PATJ: variants seen among roughly 807,000 people sequenced by gnomAD.
PATJ encodes the protein PATJ crumbs cell polarity complex component, also known as inaD-like protein.
A neutral mutation model predicts 224.9 loss-of-function variants in PATJ; 190 were observed. The ratio of observed to expected loss-of-function variants is 0.84; its 90% confidence interval spans 0.75 to 0.95. The LOEUF (loss-of-function observed/expected upper bound fraction) is 0.95. PATJ is among the 40% of genes least tolerant of loss of function. PATJ has a pLI of 0.00. For missense variants in PATJ, 2,121 were observed against 2,270.3 expected, an observed-to-expected ratio of 0.93 and a Z score of 1.34; for synonymous variants, 769 against 820.3, an observed-to-expected ratio of 0.94 and a Z score of 1.07.
chr1:61,770,688 T>C (rs1013752239), intron 5 of PATJ, among the ~76,000 whole-genome samples: 1 of 152,016 alleles, frequency 6.6e-6, no homozygotes, highest in Non-Finnish European at 1.5e-5. Flanking sequence ...ATGGCTGTAA[T>C]CCCAGCACTT....
In PATJ at chr1:61,791,197, G is replaced by A. The variant is rs1486131037; in HGVS notation, c.1069-151G>A. 2.6e-5 allele frequency: 13 copies of A among 499,292 alleles called. No homozygotes were observed. The East Asian group carries it at 3.2e-4, about 12-fold the overall frequency. The allele number at this position is 499,292 out of a possible 1,614,324, so 30.9% of individuals were successfully genotyped here. A position where few individuals can be genotyped will look rare whatever the true frequency, so the allele number is the denominator to read the frequency against. On this transcript the variant is annotated intron_variant, in intron 8 of 43. Transcript: ENST00000642238. ...CATGTAATATGGCATCAATATGGGA[G>A]TAGCACCAGGAATTGAAGGTCATGG...
At chr1:61,918,358 A>G (rs1406099666) in intron 26 of PATJ, among the ~76,000 whole-genome samples, 2 of 129,572 alleles carry the variant, frequency 1.5e-5, no homozygotes, top group African/African-American at 6.2e-5. Flanking sequence ...CCCAGGCTGG[A>G]GTGAAGTGGC....
intron 18 of PATJ, among the ~76,000 whole-genome samples, chr1:61,861,284 C>CTTTCTTTTTTTT (rs757271556): frequency 4.1e-5 from 2 of 48,872 alleles, no homozygotes; most frequent in Admixed American, 3.2e-4. Context: ...TTCTTTCTTT[C>CTTTCTTTTTTTT]TTTTTTTTTT....
chr1:61,894,579 T>C (rs1422887869), intron 22 of PATJ, among the ~76,000 whole-genome samples: 1 of 152,224 alleles, frequency 6.6e-6, no homozygotes, highest in African/African-American at 2.4e-5. Context: ...TGTGCCTTGC[T>C]TCCCCTTTGC....
intron 27 of PATJ, among the ~76,000 whole-genome samples, chr1:61,960,485 A>G (rs1046581703): frequency 7.9e-5 from 12 of 151,926 alleles, no homozygotes; most frequent in Admixed American, 3.3e-4. Flanking sequence ...AACATGGTGA[A>G]ACCCCGTCTC....
Position 61,875,375 on chromosome 1 carries a change from CTT to C in PATJ, c.2959+12_2959+13del. The C allele has an allele frequency of 2.5e-6, 4 of 1,593,102 alleles. No individual in the cohort carries two copies. The highest frequency in any genetic ancestry group is 2.3e-5 in the East Asian group (1 of 44,246). On this transcript the variant is annotated intron_variant, in intron 21 of 43. Coordinates refer to ENST00000642238, the MANE Select transcript of PATJ (RefSeq NM_001350145.3). ...AACTAGTCTGGATTTAGGTTTGTGA[CTT>C]TTGTTTCTCATAAACACAAATTACA...
At chr1:62,070,668 T>C (rs1348430602) in intron 31 of PATJ, among the ~76,000 whole-genome samples, 1 of 152,174 alleles carries the variant, frequency 6.6e-6, no homozygotes, top group African/African-American at 2.4e-5. Context: ...TTATATCATA[T>C]CATCTGTTTA....
At chr1:62,113,308 C>T (rs527296777) in intron 34 of PATJ, among the ~76,000 whole-genome samples, 31 of 152,198 alleles carry the variant, frequency 2.0e-4, no homozygotes, top group African/African-American at 7.5e-4. Context: ...TCCTTCTGGG[C>T]CTGTTATGAA....
intron 17 of PATJ, among the ~76,000 whole-genome samples, chr1:61,841,773 C>T (rs180921722): frequency 8.7e-4 from 132 of 152,084 alleles, no homozygotes; most frequent in African/African-American, 2.5e-3. Context: ...TTTTGCTTAA[C>T]GGAACTTAGG....
chr1:61,867,943 T>G (rs1201064446), intron 20 of PATJ, among the ~76,000 whole-genome samples: 1 of 152,172 alleles, frequency 6.6e-6, no homozygotes, highest in Non-Finnish European at 1.5e-5. Flanking sequence ...GAGGGTGCCC[T>G]CCCAAATGGT....
intron 20 of PATJ, chr1:61,865,606 A>G (rs1665293392): frequency 6.6e-6 from 1 of 152,184 alleles, no homozygotes; most frequent in African/African-American, 2.4e-5. Flanking sequence ...TTTATTTTTC[A>G]TAAAATTATA....
At chr1:62,117,274 G>A in intron 37 of PATJ, 56 bp downstream of exon 37, 1 of 1,609,700 alleles carries the variant, frequency 6.2e-7, no homozygotes, top group Non-Finnish European at 8.5e-7. Flanking sequence ...CTGGGAGAAA[G>A]TTCCCCATTT....
chr1:61,744,926 T>A (rs1460114734), intron 1 of PATJ, among the ~76,000 whole-genome samples: 1 of 152,156 alleles, frequency 6.6e-6, no homozygotes, highest in Non-Finnish European at 1.5e-5. Flanking sequence ...AGAAAACACT[T>A]ATTTAGGTTT....
At chr1:62,035,629 A>C (rs1250832597) in intron 29 of PATJ, among the ~76,000 whole-genome samples, 6 of 131,830 alleles carry the variant, frequency 4.6e-5, no homozygotes, top group Non-Finnish European at 9.3e-5. Context: ...TTTTTTTTTC[A>C]ATAACTATGT....
chr1:62,155,669 C>G (rs1389168699), intron 43 of PATJ, among the ~76,000 whole-genome samples: 1 of 143,950 alleles, frequency 6.9e-6, no homozygotes, highest in East Asian at 2.1e-4. Flanking sequence ...AATGGCACAC[C>G]TAAAAATGAA....
intron 14 of PATJ, among the ~76,000 whole-genome samples, chr1:61,814,547 T>TGTGTGCGCGC (rs370488022): frequency 1.1e-3 from 152 of 142,564 alleles, no homozygotes; most frequent in African/African-American, 3.8e-3. Flanking sequence ...TGTGTGTGTG[T>TGTGTGCGCGC]GCGCGCGCGC....
intron 29 of PATJ, among the ~76,000 whole-genome samples, chr1:62,036,443 T>A (rs1312988679): frequency 6.6e-6 from 1 of 152,152 alleles, no homozygotes; most frequent in Non-Finnish European, 1.5e-5. Flanking sequence ...TGGAGAGAAT[T>A]GGCTGTGGAA....
intron 8 of PATJ, 70 bp downstream of exon 8, chr1:61,788,042 C>A: frequency 1.6e-6 from 2 of 1,274,994 alleles, no homozygotes; most frequent in South Asian, 2.5e-5. Flanking sequence ...ATAAGAAATT[C>A]TTTCAACTTG....
chr1:61,834,901 G>T lies in PATJ; in HGVS notation c.2112+1116G>T, dbSNP rs116912093. Reference sequence around the variant, plus strand: ...CTACCACTACACCTGGCTACATTTTGTATTTTTAGTAGAGATGGGTTTTCA... The same window carrying T: ...CTACCACTACACCTGGCTACATTTTTTATTTTTAGTAGAGATGGGTTTTCA... On this transcript the variant is annotated intron_variant, in intron 17 of 43. Transcript: ENST00000642238. Among the ~76,000 whole-genome samples, 167 of 152,156 alleles carry T rather than the reference G, an allele frequency of 1.1e-3. 2 individuals are homozygous for T. The East Asian group carries it at 0.031, about 28-fold the overall frequency.
Sources: gnomAD v4.1 joint callset for allele counts (sites outside exome capture counted in the v4.1 genomes callset) on GRCh38, gnomAD v4.1.1 for gene constraint, MANE v1.5 for transcripts, NCBI Gene and HGNC (gene_info 2026-07-23, HGNC 2026-07-21) for gene names.